PTPN13: variants seen among roughly 807,000 people sequenced by gnomAD.
PTPN13 encodes the protein tyrosine-protein phosphatase non-receptor type 13.
In PTPN13, 191 loss-of-function variants were observed where a neutral mutation model predicts 284.0. That is an observed-to-expected ratio of 0.67 (90% confidence interval 0.60 to 0.76). The LOEUF (loss-of-function observed/expected upper bound fraction) is 0.76, where lower values mean the gene tolerates loss of function less well. Among genes scored for constraint, PTPN13 ranks in the 30% least tolerant of loss-of-function variants. The pLI is 0.00. For synonymous variants in PTPN13, 986 were observed against 1,022.3 expected, an observed-to-expected ratio of 0.96 and a Z score of 0.68; for missense variants, 2,797 against 2,939.9, an observed-to-expected ratio of 0.95 and a Z score of 1.12.
chr4:86,770,762 CA>C (rs1739899731), intron 30 of PTPN13, among the ~76,000 whole-genome samples: 1 of 152,004 alleles, frequency 6.6e-6, no homozygotes, highest in African/African-American at 2.4e-5. Context: ...AATTTACATA[CA>C]AAGAAGTTCT....
At chr4:86,603,933 A>T (rs1049534180) in intron 1 of PTPN13, among the ~76,000 whole-genome samples, 2 of 152,208 alleles carry the variant, frequency 1.3e-5, no homozygotes, top group Admixed American at 1.3e-4. Context: ...ATTATTTGTA[A>T]TAATATGATT....
At chr4:86,758,853 C>G in intron 22 of PTPN13, 68 bp downstream of exon 22, 1 of 1,583,524 alleles carries the variant, frequency 6.3e-7, no homozygotes, top group African/African-American at 1.4e-5. Flanking sequence ...TTAGGCCAAA[C>G]TAAAATAATT....
chr4:86,799,399 CCAGTTCACTACAACCACCACCTCCG>C (rs1743733869), intron 42 of PTPN13, among the ~76,000 whole-genome samples, 195 bp downstream of exon 42: 2 of 123,242 alleles, frequency 1.6e-5, no homozygotes, highest in Non-Finnish European at 3.7e-5. Flanking sequence ...CACCACCTCC[CCAGTTCACTACAACCACCACCTCCG>C]CAGTTCAAGC....
intron 17 of PTPN13, among the ~76,000 whole-genome samples, chr4:86,748,917 A>T (rs2149200097): frequency 6.6e-6 from 1 of 152,254 alleles, no homozygotes; most frequent in African/African-American, 2.4e-5. Flanking sequence ...AGCCTCCCAA[A>T]GTGCTGGGAT....
chr4:86,717,762 T>C (rs1230729816), intron 9 of PTPN13, among the ~76,000 whole-genome samples: 2 of 152,142 alleles, frequency 1.3e-5, no homozygotes, highest in Non-Finnish European at 2.9e-5. Flanking sequence ...ATACCTTTCT[T>C]GAAAGGTTGG....
chr4:86,722,524 C>A lies in PTPN13; in HGVS notation c.1608+90C>A, dbSNP rs368261785. On this transcript the variant is annotated intron_variant, in intron 10 of 47. Transcript: ENST00000411767. Reference sequence around the variant, plus strand: ...ACTTTTAAAAATTGCTACAGGTATCCATCTAAAGTTACCTGTAGATGAAAC... The same window carrying A: ...ACTTTTAAAAATTGCTACAGGTATCAATCTAAAGTTACCTGTAGATGAAAC... 801 of 987,230 alleles carry A rather than the reference C, an allele frequency of 8.1e-4. 6 individuals are homozygous for A. The highest frequency in any genetic ancestry group is 4.1e-3 in the Middle Eastern group (18 of 4,396). The allele number at this position is 987,230 out of a possible 1,614,324, so 61.2% of individuals were successfully genotyped here. A position where few individuals can be genotyped will look rare whatever the true frequency, so the allele number is the denominator to read the frequency against.
chr4:86,751,001 C>T, intron 18 of PTPN13, 26 bp from the exon 19 acceptor site: 2 of 1,576,086 alleles, frequency 1.3e-6, no homozygotes, highest in Non-Finnish European at 1.7e-6. Flanking sequence ...TAACACTTCC[C>T]TCCTACCTTC....
chr4:86,658,077 A>G (rs886763259), intron 2 of PTPN13, among the ~76,000 whole-genome samples: 22 of 152,182 alleles, frequency 1.4e-4, no homozygotes, highest in African/African-American at 5.3e-4. Flanking sequence ...GATCCAGGCC[A>G]CTTTAGTCAG....
In PTPN13 at chr4:86,762,958, A is replaced by G. The variant is rs200002942; in HGVS notation, c.3785A>G (p.Asn1262Ser). 545 of 1,613,830 alleles carry G rather than the reference A, an allele frequency of 3.4e-4. 1 individual carries two copies. The highest frequency in any genetic ancestry group is 1.2e-4 in the Admixed American group (7 of 60,006). The change falls in exon 24 of 48, where the codon AAT becomes AGT. Residue 1262 changes from asparagine (N) to serine (S), a missense_variant. Coordinates refer to ENST00000411767, the MANE Select transcript of PTPN13 (RefSeq NM_080683.3). ...ESASLSQSQV[N>S]GFFASHLGDQ... ...GCCAGCTTGTCTCAAAGCCAGGTCA[A>G]TGGTTTCTTTGCCAGCCATTTAGGT... is the stretch of plus-strand genomic sequence containing the variant.
At position 86,762,013 on chromosome 4, in the gene PTPN13, C is replaced by A. The variant is rs1638352507; in HGVS notation, c.3554-714C>A. On this transcript the variant is annotated intron_variant, in intron 23 of 47. Transcript: ENST00000411767. ...TCTTTGAGACAGTCTTGCCCTGTCA[C>A]CCAGGCTGAAGTGCAGTAGCACAAT... Among the ~76,000 whole-genome samples the A allele has an allele frequency of 2.0e-5, 3 of 152,338 alleles. No homozygotes were observed. In the South Asian group the frequency reaches 6.2e-4, roughly 32 times the overall value.
At chr4:86,704,539 A>G (rs559503496) in intron 7 of PTPN13, among the ~76,000 whole-genome samples, 1 of 152,296 alleles carries the variant, frequency 6.6e-6, no homozygotes, top group African/African-American at 2.4e-5. Flanking sequence ...TTATTTCTAC[A>G]TATGCTTTTA....
rs771562577 is a variant in PTPN13 at position 86,780,419 on chromosome 4, T to C, written c.5909T>C (p.Val1970Ala). 3.7e-6 allele frequency: 6 copies of C among 1,610,940 alleles called. No individual in the cohort carries two copies. The highest frequency in any genetic ancestry group is 5.1e-6 in the Non-Finnish European group (6 of 1,178,504). The change falls in exon 36 of 48, where the codon GTC becomes GCC. Residue 1970 changes from valine to alanine, a missense_variant. Physicochemically the swap from Val to Ala is moderately conservative, Grantham distance 64. Coordinates refer to ENST00000411767, the MANE Select transcript of PTPN13 (RefSeq NM_080683.3). Reference sequence around the variant, plus strand: ...CAACACAGAAATGATCTTCCAGTGGTCCCCAGCTCAAAGAGGTCTGCTGTT... The same window carrying C: ...CAACACAGAAATGATCTTCCAGTGGCCCCCAGCTCAAAGAGGTCTGCTGTT... Reference protein sequence around the residue: ...LKATRNDLPVVPSSKRSAVSA... With the variant: ...LKATRNDLPVAPSSKRSAVSA...
At chr4:86,744,851 T>C (rs1218896659) in intron 16 of PTPN13, 115 bp from the exon 17 acceptor site, 5 of 791,816 alleles carry the variant, frequency 6.3e-6, no homozygotes, top group Non-Finnish European at 9.8e-6. Context: ...AAGTGATGCA[T>C]GACTATATAG....
At chr4:86,610,820 A>G (rs549945539) in intron 1 of PTPN13, among the ~76,000 whole-genome samples, 1 of 152,330 alleles carries the variant, frequency 6.6e-6, no homozygotes, top group East Asian at 1.9e-4. Flanking sequence ...ACAGCCTTAC[A>G]CTTGCATGAA....
intron 2 of PTPN13, among the ~76,000 whole-genome samples, chr4:86,651,653 C>A (rs1227209619): frequency 1.3e-5 from 2 of 152,074 alleles, no homozygotes; most frequent in Non-Finnish European, 2.9e-5. Flanking sequence ...CTGCTCTTAT[C>A]TCATTACTTG....
At position 86,732,455 on chromosome 4, in the gene PTPN13, A is replaced by G. The variant is rs1735052735; in HGVS notation, c.1664A>G (p.Asp555Gly). The change falls in exon 11 of 48, where the codon GAT becomes GGT. Residue 555 changes from aspartate to glycine, a missense_variant. Physicochemically the swap from Asp to Gly is moderately conservative, Grantham distance 94. Transcript: ENST00000411767. ...KMTIEPFISL[D>G]LPRSILTKKG... ...ACAATTGAACCATTTATATCTTTGGATTTGCCACGGTCTATTCTTGTAAGT... is the reference window on the plus strand; with the variant it reads ...ACAATTGAACCATTTATATCTTTGGGTTTGCCACGGTCTATTCTTGTAAGT... The G allele has an allele frequency of 6.2e-7, 1 of 1,601,762 alleles. No individual in the cohort carries two copies. The highest frequency in any genetic ancestry group is 8.5e-7 in the Non-Finnish European group (1 of 1,173,112).
chr4:86,800,149 A>G (rs570605672), intron 42 of PTPN13, among the ~76,000 whole-genome samples: 64 of 152,028 alleles, frequency 4.2e-4, no homozygotes, highest in Non-Finnish European at 8.4e-4. Context: ...CAGAATTATT[A>G]TTATCCTAGA....
At chr4:86,756,978 A>G (rs1283784997) in intron 20 of PTPN13, among the ~76,000 whole-genome samples, 1 of 152,190 alleles carries the variant, frequency 6.6e-6, no homozygotes, top group African/African-American at 2.4e-5. Context: ...TCACTTTACA[A>G]AAATATCCTT....
In PTPN13 at chr4:86,598,132, G is replaced by A. The variant is rs1003686299; in HGVS notation, c.-6+3343G>A. 2.7e-5 allele frequency among the ~76,000 whole-genome samples: 4 copies of A among 150,370 alleles called. No individual in the cohort carries two copies. In the East Asian group the frequency reaches 7.8e-4, roughly 29 times the overall value. ...AATTTAATAATATATACTTCTCAAG[G>A]CTTTTTTGCTTTGTTGTGCTTTTTT... On this transcript the variant is annotated intron_variant, in intron 1 of 47. Coordinates refer to ENST00000411767, the MANE Select transcript of PTPN13 (RefSeq NM_080683.3).
Sources: gnomAD v4.1 joint callset for allele counts (sites outside exome capture counted in the v4.1 genomes callset) on GRCh38, gnomAD v4.1.1 for gene constraint, MANE v1.5 for transcripts, NCBI Gene and HGNC (gene_info 2026-07-23, HGNC 2026-07-21) for gene names.